Variants in DORIP1 observed in about 807,000 individuals in gnomAD.
DORIP1 encodes the protein dopamine receptor-interacting protein 1.
chr14:44,897,541 G>A, the DORIP1 span: 1 of 205,000 alleles, frequency 4.9e-6, no homozygotes, highest in South Asian at 6.8e-5. Context: ...GGGTGCGGCG[G>A]CACCGGCAGT....
the DORIP1 span, chr14:44,906,487 G>C: frequency 2.6e-5 from 4 of 152,570 alleles, no homozygotes; most frequent in East Asian, 7.7e-4. Context: ...AATTTTGAGT[G>C]ATGTCTACTG....
chr14:44,901,018 G>A, the DORIP1 span: 1 of 1,503,254 alleles, frequency 6.7e-7, no homozygotes, highest in South Asian at 1.4e-5. Flanking sequence ...TGTTGCTTTA[G>A]ATATGTAGTC....
the DORIP1 span, chr14:44,903,394 C>A: frequency 1.3e-6 from 2 of 1,487,972 alleles, no homozygotes; most frequent in Admixed American, 4.0e-5. Context: ...ATCTTATTAA[C>A]CTAGTTTACT....
chr14:44,906,537 C>CT, the DORIP1 span: 2 of 152,504 alleles, frequency 1.3e-5, no homozygotes, highest in Non-Finnish European at 2.9e-5. Context: ...GCGGCTTTGA[C>CT]TTGCAATACA....
At chr14:44,900,919 A>G in the DORIP1 span, 250 of 1,607,970 alleles carry the variant, frequency 1.6e-4, no homozygotes, top group Admixed American at 3.4e-5. Flanking sequence ...GCGATGCCCA[A>G]CTCGAGTGCA....
chr14:44,902,981 A>G, the DORIP1 span, among the ~76,000 whole-genome samples: 2 of 152,178 alleles, frequency 1.3e-5, no homozygotes, highest in Non-Finnish European at 2.9e-5. Flanking sequence ...GCAACTGGAT[A>G]TATCAGGATT....
the DORIP1 span, chr14:44,906,789 C>T: frequency 6.6e-6 from 1 of 152,532 alleles, no homozygotes; most frequent in African/African-American, 2.4e-5. Context: ...TGCTGAACTG[C>T]TAAAGTGCTT....
At chr14:44,904,059 CCT>C in the DORIP1 span, 75 of 985,066 alleles carry the variant, frequency 7.6e-5, no homozygotes, top group East Asian at 1.1e-3. Context: ...ATATTTTTCC[CCT>C]CTCTGCCATT....
At chr14:44,900,814 TTAA>T in the DORIP1 span, 1 of 1,614,124 alleles carries the variant, frequency 6.2e-7, no homozygotes, top group Non-Finnish European at 8.5e-7. Context: ...TAAAGCTTCA[TTAA>T]TAATTGATTT....
chr14:44,900,271 G>C, the DORIP1 span: 1 of 521,480 alleles, frequency 1.9e-6, no homozygotes, highest in Non-Finnish European at 3.1e-6. Flanking sequence ...AGCATGCATA[G>C]TGCGCGAAAA....
chr14:44,900,177 T>C, the DORIP1 span, among the ~76,000 whole-genome samples: 1 of 152,110 alleles, frequency 6.6e-6, no homozygotes, highest in Non-Finnish European at 1.5e-5. Context: ...AGATAAAATC[T>C]GCAATGTAAT....
At chr14:44,903,849 T>C in the DORIP1 span, 1 of 984,954 alleles carries the variant, frequency 1.0e-6, no homozygotes, top group Admixed American at 6.2e-5. Flanking sequence ...CTGAAACAGA[T>C]GGTTTTCTGG....
the DORIP1 span, among the ~76,000 whole-genome samples, chr14:44,899,658 TA>T: frequency 5.3e-5 from 8 of 152,134 alleles, no homozygotes; most frequent in Admixed American, 5.2e-4. Context: ...TATTATTCTG[TA>T]CCCCCAATTA....
chr14:44,900,676 T>C, the DORIP1 span: 1 of 1,612,556 alleles, frequency 6.2e-7, no homozygotes, highest in East Asian at 2.2e-5. Flanking sequence ...TAGGGAACTC[T>C]CTCTTCATTT....
chr14:44,907,024 TGAA>T, the DORIP1 span: 1 of 152,588 alleles, frequency 6.6e-6, no homozygotes, highest in Non-Finnish European at 1.5e-5. Context: ...TTGCATGAAC[TGAA>T]GTATACAATA....
At chr14:44,907,218 A>G in the DORIP1 span, 2 of 152,658 alleles carry the variant, frequency 1.3e-5, no homozygotes, top group Non-Finnish European at 2.9e-5. Flanking sequence ...TACCTTGAAC[A>G]TGCTAATAAA....
At chr14:44,897,985 C>T in the DORIP1 span, among the ~76,000 whole-genome samples, 1 of 152,198 alleles carries the variant, frequency 6.6e-6, no homozygotes, top group Non-Finnish European at 1.5e-5. Flanking sequence ...TGGTGGGGTC[C>T]TCACGGCTAG....
At chr14:44,902,490 G>A in the DORIP1 span, among the ~76,000 whole-genome samples, 1 of 151,942 alleles carries the variant, frequency 6.6e-6, no homozygotes, top group Admixed American at 6.6e-5. Flanking sequence ...CACCATGCCC[G>A]GCTAATTTTT....
At chr14:44,902,761 A>T in the DORIP1 span, among the ~76,000 whole-genome samples, 1 of 152,122 alleles carries the variant, frequency 6.6e-6, no homozygotes, top group African/African-American at 2.4e-5. Context: ...CCTACTTTTT[A>T]AAAAATCCTA....
Sources: gnomAD v4.1 joint callset for allele counts (sites outside exome capture counted in the v4.1 genomes callset) on GRCh38, gnomAD v4.1.1 for gene constraint, MANE v1.5 for transcripts, NCBI Gene and HGNC (gene_info 2026-07-23, HGNC 2026-07-21) for gene names.